Variants in PLA2G5 observed in about 807,000 individuals in gnomAD.
The protein encoded by PLA2G5 is Ca2+-dependent phospholipase A2.
PLA2G5 carries 12 observed loss-of-function variants against 15.9 expected under a neutral mutation model. The ratio of observed to expected loss-of-function variants is 0.76; its 90% confidence interval spans 0.48 to 1.23. The LOEUF is 1.23. PLA2G5 is among the 50% of genes most tolerant of loss of function. The probability of loss-of-function intolerance (pLI) is 0.00; values close to 1 mark genes in which losing one functional copy is unlikely to be tolerated. For missense variants in PLA2G5, 169 were observed against 177.1 expected, an observed-to-expected ratio of 0.95 and a Z score of 0.26; for synonymous variants, 71 against 71.4, an observed-to-expected ratio of 0.99 and a Z score of 0.03.
chr1:20,032,813 C>G (rs2013035593), intron 1 of PLA2G5, among the ~76,000 whole-genome samples: 1 of 152,202 alleles, frequency 6.6e-6, no homozygotes, highest in Admixed American at 6.5e-5. Context: ...GAAAAATGGG[C>G]AGTAATGATG....
At chr1:20,046,525 A>G (rs1291680024) in intron 1 of PLA2G5, among the ~76,000 whole-genome samples, 1 of 152,228 alleles carries the variant, frequency 6.6e-6, no homozygotes, top group Non-Finnish European at 1.5e-5. Flanking sequence ...TCAAAAATCT[A>G]GAAAAGGCTT....
upstream of PLA2G5, among the ~76,000 whole-genome samples, chr1:20,070,007 C>G (rs1473606537): frequency 6.6e-6 from 1 of 152,118 alleles, no homozygotes; most frequent in African/African-American, 2.4e-5. Flanking sequence ...GAGCCCAGGA[C>G]TGAGGTAGGG....
rs764470702 is a variant in PLA2G5 at position 20,086,207 on chromosome 1, C to A, written c.165C>A (p.Thr55=). ...GCYCGWGGRG[T]PKDGTDWCCW... is the part of the protein sequence containing the mutation. ...ACTGCGGCTGGGGCGGCCGAGGAAC[C>A]CCCAAGGATGGCACCGATTGGTGAG... The change falls in exon 3 of 5, where the codon ACC becomes ACA. Residue 55 remains threonine, a synonymous_variant. Transcript: ENST00000375108. 3 of 1,614,014 alleles carry A rather than the reference C, an allele frequency of 1.9e-6. No individual in the cohort carries two copies. The highest frequency in any genetic ancestry group is 1.7e-6 in the Non-Finnish European group (2 of 1,180,018).
chr1:20,029,621 G>A (rs1182676038), intron 1 of PLA2G5, among the ~76,000 whole-genome samples: 1 of 152,060 alleles, frequency 6.6e-6, no homozygotes, highest in African/African-American at 2.4e-5. Flanking sequence ...GCCCTACCGG[G>A]GACCATGCCT....
At chr1:20,037,698 T>C (rs914383498) in intron 1 of PLA2G5, among the ~76,000 whole-genome samples, 40 of 152,228 alleles carry the variant, frequency 2.6e-4, no homozygotes, top group African/African-American at 9.2e-4. Context: ...AGCTAGGGGC[T>C]GGTGCTTTCA....
At position 20,035,816 on chromosome 1, in the gene PLA2G5, T is replaced by TA. The variant is rs201344844; in HGVS notation, n.276+7108dup. 4.4e-3 allele frequency among the ~76,000 whole-genome samples: 676 copies of TA among 152,308 alleles called. 4 individuals carry two copies. The highest frequency in any genetic ancestry group is 0.016 in the African/African-American group (645 of 41,566). On this transcript the variant is annotated intron_variant and non_coding_transcript_variant, in intron 1 of 6. Transcript: ENST00000460175. ...ATTTTGTTTTTTTATTTCATTGTGT[T>TA]ACTGTTTTATAGGTCCTGTGGGATT... is the stretch of plus-strand genomic sequence containing the variant.
intron 2 of PLA2G5, among the ~76,000 whole-genome samples, chr1:20,064,289 AC>A (rs1336254956): frequency 6.6e-6 from 1 of 152,204 alleles, no homozygotes; most frequent in Non-Finnish European, 1.5e-5. Context: ...AAAACAGAAT[AC>A]AGACCGGGTG....
At chr1:20,045,739 T>C (rs2013868307) in intron 1 of PLA2G5, among the ~76,000 whole-genome samples, 1 of 152,318 alleles carries the variant, frequency 6.6e-6, no homozygotes, top group East Asian at 1.9e-4. Context: ...GACAGGGGAT[T>C]GATCTCCCAG....
chr1:20,088,470 C>CTTT (rs57538971), intron 3 of PLA2G5, among the ~76,000 whole-genome samples: 19 of 141,976 alleles, frequency 1.3e-4, no homozygotes, highest in African/African-American at 4.3e-4. Flanking sequence ...TCAATTATGG[C>CTTT]TTTTTTTTTT....
At chr1:20,038,639 C>T (rs564231513) in intron 1 of PLA2G5, among the ~76,000 whole-genome samples, 12 of 152,194 alleles carry the variant, frequency 7.9e-5, no homozygotes, top group African/African-American at 2.6e-4. Context: ...ATTAACTGGG[C>T]ATGGTGGTAA....
intron 1 of PLA2G5, among the ~76,000 whole-genome samples, chr1:20,073,711 C>G (rs55828841): frequency 0.29 from 44,055 of 151,782 alleles, 6,494 homozygotes; most frequent in East Asian, 0.36. Context: ...GGTGAAACCC[C>G]GTCTCTATGA....
intron 1 of PLA2G5, among the ~76,000 whole-genome samples, chr1:20,083,701 G>T (rs894985212): frequency 6.6e-6 from 1 of 151,782 alleles, no homozygotes; most frequent in Non-Finnish European, 1.5e-5. Context: ...AACAAACACA[G>T]ACCCCTAAAG....
intron 1 of PLA2G5, among the ~76,000 whole-genome samples, chr1:20,057,869 ATT>A (rs36003210): frequency 3.3e-5 from 5 of 150,846 alleles, no homozygotes; most frequent in African/African-American, 4.9e-5. Context: ...TCCTCTTGAG[ATT>A]TTTTTTTTGA....
At chr1:20,029,274 G>C (rs750305442) in intron 1 of PLA2G5, among the ~76,000 whole-genome samples, 21 of 152,060 alleles carry the variant, frequency 1.4e-4, no homozygotes, top group Non-Finnish European at 2.4e-4. Flanking sequence ...TGCTGTTTTG[G>C]TGGCCTGCCA....
At chr1:20,072,559 C>G (rs719543) in intron 1 of PLA2G5, among the ~76,000 whole-genome samples, 11,336 of 152,178 alleles carry the variant, frequency 0.074, 490 homozygotes, top group Admixed American at 0.13. Context: ...CCTTCACATC[C>G]AGCTTATTCC....
At chr1:20,058,081 GA>G (rs1216913292) in intron 1 of PLA2G5, among the ~76,000 whole-genome samples, 79 of 152,280 alleles carry the variant, frequency 5.2e-4, no homozygotes, top group African/African-American at 1.9e-3. Flanking sequence ...ACATGAACTT[GA>G]GAAGAATGTG....
chr1:20,089,643 C>T, intron 3 of PLA2G5, 146 bp from the exon 4 acceptor site: 1 of 631,866 alleles, frequency 1.6e-6, no homozygotes, highest in Non-Finnish European at 2.9e-6. Flanking sequence ...GGAAATTACT[C>T]AGTCACACTA....
Position 20,070,292 on chromosome 1 carries a change from A to G in PLA2G5, c.-184A>G, listed in dbSNP as rs1249634626. Reference sequence around the variant, plus strand: ...CTCATCATCGGTCACTCCCATTCACAGCTTTAAGATTCTGGAGGCCAAGAA... The same window carrying G: ...CTCATCATCGGTCACTCCCATTCACGGCTTTAAGATTCTGGAGGCCAAGAA... On this transcript the variant is annotated 5_prime_UTR_variant, in exon 1 of 5. Coordinates refer to ENST00000375108, the MANE Select transcript of PLA2G5 (RefSeq NM_000929.3). The G allele has an allele frequency of 2.0e-6, 2 of 985,302 alleles. No homozygotes were observed. The highest frequency in any genetic ancestry group is 3.5e-5 in the African/African-American group (2 of 57,218). The allele number at this position is 985,302 out of a possible 1,614,324, so 61.0% of individuals were successfully genotyped here.
At chr1:20,083,230 T>C (rs553143968) in intron 1 of PLA2G5, among the ~76,000 whole-genome samples, 8 of 152,020 alleles carry the variant, frequency 5.3e-5, no homozygotes, top group Admixed American at 5.2e-4. Flanking sequence ...GAGTTGCTGC[T>C]GGACAAGGGT....
Sources: gnomAD v4.1 joint callset for allele counts (sites outside exome capture counted in the v4.1 genomes callset) on GRCh38, gnomAD v4.1.1 for gene constraint, MANE v1.5 for transcripts, NCBI Gene and HGNC (gene_info 2026-07-23, HGNC 2026-07-21) for gene names.